PARP8: variants seen among roughly 807,000 people sequenced by gnomAD.
The protein encoded by PARP8 is poly(ADP-ribose) polymerase family member 8, also known as protein mono-ADP-ribosyltransferase PARP8.
In PARP8, 51 loss-of-function variants were observed where a neutral mutation model predicts 124.1. That is an observed-to-expected ratio of 0.41 (90% CI 0.33 to 0.52). The LOEUF (loss-of-function observed/expected upper bound fraction) is 0.52. Among genes scored for constraint, PARP8 ranks in the 20% least tolerant of loss-of-function variants. The pLI, the probability that PARP8 is intolerant of heterozygous loss-of-function variation, is 0.21. For synonymous variants in PARP8, 391 were observed against 361.5 expected (o/e 1.08, Z -0.93); for missense variants, 860 against 1,018.9 (o/e 0.84, Z 2.12).
In PARP8 at chr5:50,795,388, C is replaced by CCATCTT. The variant is rs570195240; in HGVS notation, c.1413_1418dup (p.Ser472_Ser473dup). 3.1e-6 allele frequency: 5 copies of CCATCTT among 1,599,110 alleles called. No homozygotes were observed. Among genetic ancestry groups the CCATCTT allele is most frequent in the Non-Finnish European group, 4.3e-6 (5 of 1,175,002 alleles). On this transcript the variant is annotated inframe_insertion, in exon 12 of 26. Transcript: ENST00000281631. Reference sequence around the variant, plus strand: ...CTCAGGGCTTATTGGTATCCTAACACCATCTTCATCTTCATCTTCTCAGCT... The same window carrying CCATCTT: ...CTCAGGGCTTATTGGTATCCTAACACCATCTTCATCTTCATCTTCATCTTCTCAGCT...
intron 2 of PARP8, among the ~76,000 whole-genome samples, chr5:50,676,848 C>G (rs1361657805): frequency 6.6e-6 from 1 of 152,044 alleles, no homozygotes; most frequent in African/African-American, 2.4e-5. Flanking sequence ...AAGCAAACCC[C>G]TTTTTTAAGG....
At chr5:50,827,808 T>G (rs1746511403) in intron 19 of PARP8, 136 bp from the exon 20 acceptor site, 3 of 633,748 alleles carry the variant, frequency 4.7e-6, no homozygotes, top group South Asian at 3.9e-5. Flanking sequence ...ACAAATTAGC[T>G]TGCTAATGTG....
rs758320963 is a variant in PARP8, at chr5:50,795,354, C to T, written c.1365C>T (p.Leu455=). ...AACCTAACGCAGAGGGCAGGAGGCT[C>T]TCTCTTACCTCAGGGCTTATTGGTA... ...FKEPNAEGRR[L]SLTSGLIGIL... Residue 455 remains leucine (L), a synonymous_variant, in exon 12 of 26, where the codon CTC becomes CTT. Coordinates refer to ENST00000281631, the MANE Select transcript of PARP8 (RefSeq NM_024615.4). 1.2e-6 allele frequency: 2 copies of T among 1,614,052 alleles called. No homozygotes were observed. The highest frequency in any genetic ancestry group is 2.7e-5 in the African/African-American group (2 of 75,046).
At chr5:50,693,016 C>A (rs1752657959) in intron 2 of PARP8, among the ~76,000 whole-genome samples, 1 of 152,054 alleles carries the variant, frequency 6.6e-6, no homozygotes, top group Non-Finnish European at 1.5e-5. Flanking sequence ...GTGTTGAGGA[C>A]CTCCCTTAGG....
At chr5:50,827,032 C>T (rs1424503997) in intron 19 of PARP8, among the ~76,000 whole-genome samples, 3 of 152,056 alleles carry the variant, frequency 2.0e-5, no homozygotes, top group Non-Finnish European at 4.4e-5. Flanking sequence ...TGAATAAAAA[C>T]ATCAATATGA....
intron 14 of PARP8, among the ~76,000 whole-genome samples, chr5:50,808,230 G>T (rs1023521676): frequency 6.6e-6 from 1 of 151,494 alleles, no homozygotes; most frequent in East Asian, 2.0e-4. Flanking sequence ...AAGGGATTTT[G>T]GGAACTTCAG....
chr5:50,783,701 T>G lies in PARP8; in HGVS notation c.671-4822T>G, dbSNP rs187528475. On this transcript the variant is annotated intron_variant, in intron 9 of 25. Coordinates refer to ENST00000281631, the MANE Select transcript of PARP8 (RefSeq NM_024615.4). ...TATGGACTTTATGACAGTCAACTTA[T>G]GAAGAATGGAATTTTTATGGGTTGG... Among the ~76,000 whole-genome samples, 15 of 152,306 alleles carry G rather than the reference T, an allele frequency of 9.8e-5. No individual in the cohort carries two copies. In the East Asian group the frequency reaches 2.7e-3, roughly 27 times the overall value.
At chr5:50,775,242 G>A (rs908156134) in intron 7 of PARP8, among the ~76,000 whole-genome samples, 2 of 152,180 alleles carry the variant, frequency 1.3e-5, no homozygotes, top group African/African-American at 4.8e-5. Flanking sequence ...CCGAGATCAC[G>A]CCACTGCACT....
intron 21 of PARP8, 59 bp downstream of exon 21, chr5:50,828,443 A>G: frequency 6.8e-7 from 1 of 1,468,720 alleles, no homozygotes; most frequent in Non-Finnish European, 9.5e-7. Flanking sequence ...AGATTCAGTA[A>G]GCAACCCTGT....
At chr5:50,735,054 G>GA (rs1190270325) in intron 2 of PARP8, among the ~76,000 whole-genome samples, 1 of 152,014 alleles carries the variant, frequency 6.6e-6, no homozygotes, top group Non-Finnish European at 1.5e-5. Context: ...GGTATGTAGT[G>GA]ACTGGAATAA....
intron 2 of PARP8, among the ~76,000 whole-genome samples, chr5:50,726,582 T>C (rs534080611): frequency 7.2e-5 from 11 of 152,262 alleles, no homozygotes; most frequent in African/African-American, 2.4e-4. Context: ...TTTAACAAAG[T>C]TGTCTTGAGC....
rs535227323 is a variant in PARP8, at chr5:50,750,048, T to G, written c.147-103T>G. On this transcript the variant is annotated intron_variant, in intron 2 of 25. Coordinates refer to ENST00000281631, the MANE Select transcript of PARP8 (RefSeq NM_024615.4). ...GAAGTTTCCTGTTTATACTTACATC[T>G]TTATAACTGAATGGGTAACATGGGT... is the stretch of plus-strand genomic sequence containing the variant. 2.9e-5 allele frequency: 26 copies of G among 893,836 alleles called. 1 individual carries two copies. The South Asian group carries it at 3.5e-4, about 12-fold the overall frequency. The allele number at this position is 893,836 out of a possible 1,614,324, so 55.4% of individuals were successfully genotyped here. A position where few individuals can be genotyped will look rare whatever the true frequency, so the allele number is the denominator to read the frequency against.
intron 15 of PARP8, among the ~76,000 whole-genome samples, chr5:50,817,981 A>C (rs1053813515): frequency 6.6e-6 from 1 of 152,166 alleles, no homozygotes; most frequent in Non-Finnish European, 1.5e-5. Context: ...TTTCTTGCTT[A>C]AACCTAATAT....
intron 13 of PARP8, 47 bp downstream of exon 13, chr5:50,797,079 G>T: frequency 6.2e-7 from 1 of 1,609,098 alleles, no homozygotes. Context: ...TAGTTCTTAC[G>T]GGGTTTTTAA....
In PARP8 at chr5:50,666,898, C is replaced by T; in HGVS notation, c.-198C>T. The stretch of plus-strand genomic sequence containing the variant: ...GTCACATCTGGGAATGCAAAGCCGA[C>T]CTCCCCCTCCTCCTCCTCCTCCCCC... On this transcript the variant is annotated 5_prime_UTR_variant, in exon 1 of 26. Coordinates refer to ENST00000281631, the MANE Select transcript of PARP8 (RefSeq NM_024615.4). 1 of 1,281,860 alleles carries T rather than the reference C, an allele frequency of 7.8e-7. No individual in the cohort carries two copies. The highest frequency in any genetic ancestry group is 9.7e-7 in the Non-Finnish European group (1 of 1,027,166). The allele number at this position is 1,281,860 out of a possible 1,614,324, so 79.4% of individuals were successfully genotyped here. A position where few individuals can be genotyped will look rare whatever the true frequency, so the allele number is the denominator to read the frequency against.
At chr5:50,815,723 G>T (rs1224148229) in intron 15 of PARP8, among the ~76,000 whole-genome samples, 199 bp downstream of exon 15, 1 of 152,040 alleles carries the variant, frequency 6.6e-6, no homozygotes, top group Non-Finnish European at 1.5e-5. Context: ...TTTTGTGATT[G>T]CCAAGGAGAG....
chr5:50,693,194 A>G (rs2149463676), intron 2 of PARP8, among the ~76,000 whole-genome samples: 1 of 152,260 alleles, frequency 6.6e-6, no homozygotes, highest in East Asian at 1.9e-4. Flanking sequence ...TCCCCTACCA[A>G]TTTTTAAATG....
chr5:50,700,660 G>C lies in PARP8; in HGVS notation c.146+32535G>C, dbSNP rs191856539. On this transcript the variant is annotated intron_variant, in intron 2 of 25. Transcript: ENST00000281631. ...CAAGTATTTAAATTGGTAAGAATTG[G>C]ATTGGTTTTCTCTTAACTGTTTGCA... 2.0e-5 allele frequency among the ~76,000 whole-genome samples: 3 copies of C among 152,258 alleles called. No homozygotes were observed. The East Asian group carries it at 5.8e-4, about 29-fold the overall frequency.
intron 3 of PARP8, among the ~76,000 whole-genome samples, 162 bp downstream of exon 3, chr5:50,750,350 A>C (rs1467353596): frequency 2.6e-5 from 4 of 152,080 alleles, no homozygotes; most frequent in Non-Finnish European, 5.9e-5. Context: ...TGCAAAGTAC[A>C]TGTCTTACTC....
Sources: gnomAD v4.1 joint callset for allele counts (sites outside exome capture counted in the v4.1 genomes callset) on GRCh38, gnomAD v4.1.1 for gene constraint, MANE v1.5 for transcripts, NCBI Gene and HGNC (gene_info 2026-07-23, HGNC 2026-07-21) for gene names.